SLC35D1: variants seen among roughly 807,000 people sequenced by gnomAD.
The protein encoded by SLC35D1 is nucleotide sugar transporter SLC35D1.
In SLC35D1, 31 loss-of-function variants were observed where a neutral mutation model predicts 46.7. The observed-to-expected ratio is 0.66, with a 90% confidence interval of 0.50 to 0.90. The LOEUF is 0.90. Among genes scored for constraint, SLC35D1 ranks in the 40% least tolerant of loss-of-function variants. The pLI is 0.00. For synonymous variants in SLC35D1, 195 were observed against 164.6 expected, an observed-to-expected ratio of 1.18 and a Z score of -1.41; for missense variants, 397 against 426.2, an observed-to-expected ratio of 0.93 and a Z score of 0.60.
chr1:67,021,459 G>A lies in SLC35D1; in HGVS notation c.797+76C>T, dbSNP rs1667796315. The A allele has an allele frequency of 4.1e-6, 6 of 1,452,566 alleles. No homozygotes were observed. The South Asian group carries it at 5.7e-5, about 14-fold the overall frequency. The allele number at this position is 1,452,566 out of a possible 1,614,324, so 90.0% of individuals were successfully genotyped here. On this transcript the variant is annotated intron_variant, in intron 9 of 11. Transcript: ENST00000235345. ...CACACTCAGGAGACCTAAAGATATTGAGAAAAGAGGCATGCAAATTTCTCT... is the reference window on the plus strand; with the variant it reads ...CACACTCAGGAGACCTAAAGATATTAAGAAAAGAGGCATGCAAATTTCTCT...
At chr1:66,985,690 TTCTGAG>T in the SLC35D1 span, 1 of 985,034 alleles carries the variant, frequency 1.0e-6, no homozygotes, top group South Asian at 4.7e-5. Context: ...GGAATTGTTA[TTCTGAG>T]TCTGTCAGCT....
rs72673749 is a variant in SLC35D1, at chr1:67,003,911, C to T, written c.*429G>A. 7,827 of 203,372 alleles carry T rather than the reference C, an allele frequency of 0.038. 199 individuals are homozygous for T. Among genetic ancestry groups the T allele is most frequent in the Non-Finnish European group, 0.052 (5,111 of 98,640 alleles). The allele number at this position is 203,372 out of a possible 1,614,324, so 12.6% of individuals were successfully genotyped here. A position where few individuals can be genotyped will look rare whatever the true frequency, so the allele number is the denominator to read the frequency against. ...TCAAAGAAGAGAAATTTCACATATT[C>T]GTCTGCATTTCCAGCAGAGGAAAGG... On this transcript the variant is annotated 3_prime_UTR_variant, in exon 12 of 12. Transcript: ENST00000235345.
At chr1:67,015,722 A>G (rs1667671280) in intron 10 of SLC35D1, among the ~76,000 whole-genome samples, 1 of 152,168 alleles carries the variant, frequency 6.6e-6, no homozygotes, top group African/African-American at 2.4e-5. Flanking sequence ...TTTATGTACT[A>G]TTGATAAAAA....
rs1183113421 is a variant in SLC35D1 at position 67,047,359 on chromosome 1, A to C, written c.542T>G (p.Leu181Trp). Residue 181 changes from leucine (L) to tryptophan (W), a missense_variant, in exon 7 of 12, where the codon TTG (leucine) becomes TGG (tryptophan). Transcript: ENST00000235345. Reference sequence around the variant, plus strand: ...AGCATATCCTTCCAGATCAAATGCCAAGTCAGAGCTGCAAAACATAAGCAA... The same window carrying C: ...AGCATATCCTTCCAGATCAAATGCCCAGTCAGAGCTGCAAAACATAAGCAA... ...IGAFVAASSD[L>W]AFDLEGYAFI... The C allele has an allele frequency of 6.8e-6, 11 of 1,612,944 alleles. No individual in the cohort carries two copies. The highest frequency in any genetic ancestry group is 9.3e-6 in the Non-Finnish European group (11 of 1,179,754).
chr1:67,006,597 G>A (rs2815349), intron 11 of SLC35D1, among the ~76,000 whole-genome samples: 87,128 of 152,088 alleles, frequency 0.57, 27,404 homozygotes, highest in East Asian at 0.84. Flanking sequence ...GGAAGCACAG[G>A]ATAGAAGAAG....
At chr1:67,014,213 C>T (rs866108067) in intron 10 of SLC35D1, among the ~76,000 whole-genome samples, 9 of 152,126 alleles carry the variant, frequency 5.9e-5, no homozygotes, top group Admixed American at 3.9e-4. Context: ...AAGTCTGTTA[C>T]CTTGACATCC....
At position 67,000,032 on chromosome 1, in the gene SLC35D1, G is replaced by A. The variant is rs184268147; in HGVS notation, c.*4308C>T. 13 of 152,186 alleles carry A rather than the reference G, an allele frequency of 8.5e-5. No homozygotes were observed. Among genetic ancestry groups the A allele is most frequent in the African/African-American group, 3.1e-4 (13 of 41,520 alleles). The allele number at this position is 152,186 out of a possible 1,614,324, so 9.4% of individuals were successfully genotyped here. A position where few individuals can be genotyped will look rare whatever the true frequency, so the allele number is the denominator to read the frequency against. On this transcript the variant is annotated 3_prime_UTR_variant, in exon 12 of 12. Transcript: ENST00000235345. ...CACCTGTAATCCCAGCACTTTGGGA[G>A]GCTGAGACAGAAGGGTTACTTGAGG... is the stretch of plus-strand genomic sequence containing the variant.
rs780677875 is a variant in SLC35D1, at chr1:67,004,316, G to A, written c.*24C>T. ...GAGTTGATTAAAAACTTAGGCCTAC[G>A]TATCAGATGAAGCAATCCTCTGGTC... On this transcript the variant is annotated 3_prime_UTR_variant, in exon 12 of 12. Transcript: ENST00000235345. 24 of 1,596,042 alleles carry A rather than the reference G, an allele frequency of 1.5e-5. No homozygotes were observed. The highest frequency in any genetic ancestry group is 1.1e-4 in the South Asian group (10 of 90,724).
intron 11 of SLC35D1, 22 bp from the exon 12 acceptor site, chr1:67,004,470 T>C (rs368800524): frequency 2.5e-6 from 4 of 1,604,408 alleles, no homozygotes; most frequent in African/African-American, 2.7e-5. Context: ...AAAGCCACTA[T>C]CAGAGATGGA....
At chr1:67,048,270 A>G (rs1043628572) in intron 6 of SLC35D1, among the ~76,000 whole-genome samples, 6 of 152,226 alleles carry the variant, frequency 3.9e-5, no homozygotes, top group African/African-American at 1.4e-4. Flanking sequence ...GTCTAACCAG[A>G]TAAGGCTGGT....
the SLC35D1 span, among the ~76,000 whole-genome samples, chr1:66,990,032 T>G: frequency 2.6e-5 from 4 of 152,206 alleles, no homozygotes; most frequent in Non-Finnish European, 5.9e-5. Context: ...TCATTCTAAG[T>G]GTATCCTTTT....
At chr1:67,046,134 T>G (rs2102358048) in intron 7 of SLC35D1, among the ~76,000 whole-genome samples, 1 of 152,270 alleles carries the variant, frequency 6.6e-6, no homozygotes, top group African/African-American at 2.4e-5. Flanking sequence ...TCCTTGGTTC[T>G]TCAAGCCTAT....
chr1:67,015,990 C>T (rs915257255), intron 10 of SLC35D1, among the ~76,000 whole-genome samples: 1 of 151,616 alleles, frequency 6.6e-6, no homozygotes, highest in African/African-American at 2.4e-5. Context: ...TTTTTTTGAC[C>T]TCAAACTAAC....
intron 8 of SLC35D1, among the ~76,000 whole-genome samples, chr1:67,022,629 C>T (rs555963298): frequency 2.6e-4 from 40 of 152,266 alleles, no homozygotes; most frequent in Non-Finnish European, 5.0e-4. Flanking sequence ...AGGGAGGACC[C>T]ACATCACATT....
intron 11 of SLC35D1, among the ~76,000 whole-genome samples, chr1:67,006,097 G>A (rs913104126): frequency 2.0e-5 from 3 of 151,782 alleles, no homozygotes; most frequent in Admixed American, 1.3e-4. Context: ...CTATCCTCCC[G>A]CCTCTACCTC....
chr1:67,050,708 G>A (rs1645300406), intron 4 of SLC35D1, among the ~76,000 whole-genome samples: 1 of 152,166 alleles, frequency 6.6e-6, no homozygotes, highest in South Asian at 2.1e-4. Context: ...ACTACTAGAA[G>A]TGAGAAACAT....
At chr1:67,023,837 G>A (rs562966764) in intron 8 of SLC35D1, among the ~76,000 whole-genome samples, 8 of 151,774 alleles carry the variant, frequency 5.3e-5, no homozygotes, top group East Asian at 1.9e-4. Context: ...TGAGCTGCAC[G>A]AGTTTTTAAA....
chr1:66,986,446 T>C, the SLC35D1 span: 1 of 1,612,204 alleles, frequency 6.2e-7, no homozygotes, highest in Non-Finnish European at 8.5e-7. Flanking sequence ...CAGCCATCAG[T>C]TCAAGAGCCA....
At chr1:67,039,738 A>G (rs1047946417) in intron 8 of SLC35D1, among the ~76,000 whole-genome samples, 8 of 152,280 alleles carry the variant, frequency 5.3e-5, no homozygotes, top group Middle Eastern at 3.4e-3. Flanking sequence ...CACTGATTAT[A>G]GGGGAGTAGT....
Sources: gnomAD v4.1 joint callset for allele counts (sites outside exome capture counted in the v4.1 genomes callset) on GRCh38, gnomAD v4.1.1 for gene constraint, MANE v1.5 for transcripts, NCBI Gene and HGNC (gene_info 2026-07-23, HGNC 2026-07-21) for gene names.